EPB41L1: variants seen among roughly 807,000 people sequenced by gnomAD.
EPB41L1 encodes the protein band 4.1-like protein 1.
A neutral mutation model predicts 97.8 loss-of-function variants in EPB41L1; 29 were observed. The ratio of observed to expected loss-of-function variants is 0.30; its 90% CI spans 0.22 to 0.40. The LOEUF is 0.40. EPB41L1 is among the 10% of genes least tolerant of loss of function. EPB41L1 has a pLI of 1.00. For synonymous variants in EPB41L1, 383 were observed against 459.2 expected, an observed-to-expected ratio of 0.83 and a Z score of 2.12; for missense variants, 812 against 1,162.3, an observed-to-expected ratio of 0.70 and a Z score of 4.38.
chr20:36,153,546 G>A (rs1370556784), upstream of EPB41L1, among the ~76,000 whole-genome samples: 2 of 152,172 alleles, frequency 1.3e-5, no homozygotes, highest in Non-Finnish European at 2.9e-5. Context: ...GGTGACTGGG[G>A]GTTCGCGGTC....
chr20:36,101,256 G>A (rs2058007885), intron 1 of EPB41L1, among the ~76,000 whole-genome samples: 1 of 152,252 alleles, frequency 6.6e-6, no homozygotes, highest in Middle Eastern at 3.4e-3. Flanking sequence ...GAGCTGGCCT[G>A]AGGGCCAGAG....
chr20:36,194,513 C>G (rs1345921925), intron 12 of EPB41L1, among the ~76,000 whole-genome samples, 153 bp downstream of exon 12: 1 of 152,198 alleles, frequency 6.6e-6, no homozygotes, highest in Non-Finnish European at 1.5e-5. Context: ...TGGGTCATCT[C>G]TCAATACCTG....
At position 36,206,362 on chromosome 20, in the gene EPB41L1, C is replaced by T. The variant is rs1179781451; in HGVS notation, c.1669-3126C>T. On this transcript the variant is annotated intron_variant, in intron 14 of 21. Coordinates refer to ENST00000338074, the MANE Select transcript of EPB41L1 (RefSeq NM_012156.2). This position sits in a 1 kb window ranked among gnomAD's most constrained non-coding sequence, Gnocchi z 5.5. Reference sequence around the variant, plus strand: ...GCCAGCAGAGGTGGACGTCCTCTCTCCAGCCTCCGACAAGGGAGGACTCCA... The same window carrying T: ...GCCAGCAGAGGTGGACGTCCTCTCTTCAGCCTCCGACAAGGGAGGACTCCA... 7.8e-7 allele frequency: 1 copy of T among 1,289,916 alleles called. No homozygotes were observed. The allele number at this position is 1,289,916 out of a possible 1,614,324, so 79.9% of individuals were successfully genotyped here.
intron 2 of EPB41L1, among the ~76,000 whole-genome samples, chr20:36,146,550 C>A (rs1257098094): frequency 1.3e-5 from 2 of 152,218 alleles, no homozygotes; most frequent in Non-Finnish European, 2.9e-5. Context: ...AACATTCAGG[C>A]GTCACTGCCT....
rs1046064760 is a variant in EPB41L1, at chr20:36,195,647, C to T, written c.1485+283C>T. ...TCCCCAGCTCACCCGGTCCTCCATA[C>T]TTGCAGCTCACCTGCTGACCATCCC... is the stretch of plus-strand genomic sequence containing the variant. On this transcript the variant is annotated intron_variant, in intron 13 of 21. Coordinates refer to ENST00000338074, the MANE Select transcript of EPB41L1 (RefSeq NM_012156.2). The surrounding 1 kb of genome is among the most constrained non-coding windows in gnomAD (Gnocchi z 4.6). Among the ~76,000 whole-genome samples the T allele has an allele frequency of 2.6e-5, 4 of 151,644 alleles. No homozygotes were observed. The highest frequency in any genetic ancestry group is 4.4e-5 in the Non-Finnish European group (3 of 67,888).
chr20:36,151,801 TG>T (rs2060059547), upstream of EPB41L1: 1 of 152,344 alleles, frequency 6.6e-6, no homozygotes, highest in Admixed American at 6.5e-5. Flanking sequence ...AGCCTCAGCC[TG>T]CCTATTTATA....
chr20:36,207,482 A>C lies in EPB41L1; in HGVS notation c.1669-2006A>C, dbSNP rs1258033165. The C allele has an allele frequency of 2.0e-5, 26 of 1,289,726 alleles. No individual in the cohort carries two copies. The highest frequency in any genetic ancestry group is 2.4e-5 in the Non-Finnish European group (24 of 988,870). 79.9% of individuals were successfully genotyped at this position (1,289,726 alleles called of 1,614,324 possible). A position where few individuals can be genotyped will look rare whatever the true frequency, so the allele number is the denominator to read the frequency against. ...CGGATATTTGAGACCCACGGAGCTG[A>C]AACTCGCCGAATGAGTGAGGGTGAA... On this transcript the variant is annotated intron_variant, in intron 14 of 21. Transcript: ENST00000338074. This position sits in a 1 kb window ranked among gnomAD's most constrained non-coding sequence, Gnocchi z 4.9.
At chr20:36,164,263 C>T (rs1391853412) in intron 1 of EPB41L1, among the ~76,000 whole-genome samples, 2 of 152,206 alleles carry the variant, frequency 1.3e-5, no homozygotes, top group East Asian at 3.8e-4. Context: ...TGGGGGTGCA[C>T]ATGGAGACTA....
At chr20:36,180,077 C>G (rs866565789) in intron 5 of EPB41L1, among the ~76,000 whole-genome samples, 1 of 152,198 alleles carries the variant, frequency 6.6e-6, no homozygotes, top group African/African-American at 2.4e-5. Flanking sequence ...GCCTGCAGCC[C>G]CTGCCAGCAC....
At chr20:36,143,691 T>C (rs2059729581) in intron 2 of EPB41L1, among the ~76,000 whole-genome samples, 1 of 151,936 alleles carries the variant, frequency 6.6e-6, no homozygotes, top group Admixed American at 6.6e-5. Context: ...TGAAAGATGA[T>C]AAAGGTAGGT....
intron 21 of EPB41L1, among the ~76,000 whole-genome samples, chr20:36,224,629 G>A (rs902619594): frequency 2.0e-5 from 3 of 152,200 alleles, no homozygotes; most frequent in Admixed American, 6.5e-5. Context: ...CTGGGCAACA[G>A]AGCGAGACTC....
rs547627199 is a variant in EPB41L1 at position 36,197,519 on chromosome 20, G to A, written c.1486-340G>A. On this transcript the variant is annotated intron_variant, in intron 13 of 21. Transcript: ENST00000338074. Reference sequence around the variant, plus strand: ...AAGTCACCTCTGTGACTAAGACCGGGCTTATAGCACCACAGGGAACTCACC... The same window carrying A: ...AAGTCACCTCTGTGACTAAGACCGGACTTATAGCACCACAGGGAACTCACC... The A allele has an allele frequency of 6.4e-6, 3 of 466,896 alleles. No homozygotes were observed. The South Asian group carries it at 2.7e-4, about 43-fold the overall frequency. The allele number at this position is 466,896 out of a possible 1,614,324, so 28.9% of individuals were successfully genotyped here.
At chr20:36,226,926 A>AAAACC (rs757884070) in intron 21 of EPB41L1, among the ~76,000 whole-genome samples, 202 of 152,336 alleles carry the variant, frequency 1.3e-3, no homozygotes, top group Non-Finnish European at 2.1e-3. Flanking sequence ...ACTGTAAGGA[A>AAAACC]AAACCAAACC....
Position 36,175,673 on chromosome 20 carries a change from G to T in EPB41L1, c.300G>T (p.Arg100=), listed in dbSNP as rs746221638. 1.2e-6 allele frequency: 2 copies of T among 1,614,060 alleles called. No individual in the cohort carries two copies. Among genetic ancestry groups the T allele is most frequent in the Non-Finnish European group, 1.7e-6 (2 of 1,180,032 alleles). The change falls in exon 3 of 22, where the codon CGG becomes CGT. Residue 100 remains arginine (R), a synonymous_variant. Coordinates refer to ENST00000338074, the MANE Select transcript of EPB41L1 (RefSeq NM_012156.2). ...IAKKYKSAIC[R]VTLLDASEYE... is the part of the protein sequence containing the mutation. Reference sequence around the variant, plus strand: ...AGAAATACAAGAGTGCCATCTGCCGGGTCACTCTGCTTGATGCCTCGGAGT... The same window carrying T: ...AGAAATACAAGAGTGCCATCTGCCGTGTCACTCTGCTTGATGCCTCGGAGT...
At chr20:36,194,389 G>C (rs1321388563) in intron 12 of EPB41L1, 29 bp downstream of exon 12, 1 of 1,580,176 alleles carries the variant, frequency 6.3e-7, no homozygotes, top group Non-Finnish European at 8.6e-7. Flanking sequence ...CATACTCTCT[G>C]CCCTGGGGAT....
chr20:36,114,718 C>T (rs1196225277), intron 2 of EPB41L1, among the ~76,000 whole-genome samples: 1 of 152,098 alleles, frequency 6.6e-6, no homozygotes, highest in African/African-American at 2.4e-5. Context: ...GTCCTGTGTC[C>T]CAGCTTAGCA....
In EPB41L1 at chr20:36,223,054, G is replaced by A. The variant is rs559548332; in HGVS notation, c.2637+660G>A. ...TGGGACCACAGGCGCCCGCCACTGC[G>A]CCCAGCTAATATTTTGTATTTTTAG... is the stretch of plus-strand genomic sequence containing the variant. On this transcript the variant is annotated intron_variant, in intron 21 of 21. Transcript: ENST00000338074. Among the ~76,000 whole-genome samples the A allele has an allele frequency of 1.3e-4, 20 of 152,262 alleles. No individual in the cohort carries two copies. The South Asian group carries it at 2.9e-3, about 22-fold the overall frequency.
chr20:36,166,649 G>T (rs990620112), intron 1 of EPB41L1, among the ~76,000 whole-genome samples: 4 of 152,114 alleles, frequency 2.6e-5, no homozygotes, highest in Admixed American at 2.0e-4. Context: ...CACTTTGGGA[G>T]GCCAAGGCGA....
intron 9 of EPB41L1, among the ~76,000 whole-genome samples, chr20:36,188,867 A>G (rs1292726947): frequency 6.6e-6 from 1 of 150,380 alleles, no homozygotes; most frequent in African/African-American, 2.5e-5. Context: ...CAACAGAGCA[A>G]GACTCTGTCT....
Sources: allele counts gnomAD v4.1 joint callset (sites outside exome capture counted in the v4.1 genomes callset), GRCh38; gene constraint gnomAD v4.1.1; non-coding constraint Gnocchi (gnomAD v3.1); transcripts MANE v1.5; gene names NCBI Gene and HGNC (gene_info 2026-07-23, HGNC 2026-07-21).